UBE2D4: variants seen among roughly 807,000 people sequenced by gnomAD.
The protein encoded by UBE2D4 is ubiquitin-conjugating enzyme E2 D4.
UBE2D4 carries 17 observed loss-of-function variants against 23.0 expected under a neutral mutation model. That is an observed-to-expected ratio of 0.74 (90% CI 0.51 to 1.11). The LOEUF (loss-of-function observed/expected upper bound fraction) is 1.11, where lower values mean the gene tolerates loss of function less well. Among genes scored for constraint, UBE2D4 ranks in the 50% least tolerant of loss-of-function variants. The pLI, the probability that UBE2D4 is intolerant of heterozygous loss-of-function variation, is 0.00. For synonymous variants in UBE2D4, 61 were observed against 69.4 expected (o/e 0.88, Z 0.60); for missense variants, 139 against 181.8 (o/e 0.76, Z 1.35).
chr7:43,936,673 A>G (rs6968923), intron 1 of UBE2D4, among the ~76,000 whole-genome samples: 3,221 of 152,272 alleles, frequency 0.021, 103 homozygotes, highest in African/African-American at 0.073. Flanking sequence ...CTCCCTTTTT[A>G]TAATACTAAT....
chr7:43,948,825 A>G, intron 5 of UBE2D4, 88 bp downstream of exon 5: 1 of 1,048,502 alleles, frequency 9.5e-7, no homozygotes. Flanking sequence ...GCTCAGAGAA[A>G]GAAGTCACCT....
intron 2 of UBE2D4, among the ~76,000 whole-genome samples, chr7:43,939,428 T>TC (rs1465558192): frequency 6.6e-6 from 1 of 152,246 alleles, no homozygotes; most frequent in Non-Finnish European, 1.5e-5. Context: ...TCCAGGTCTG[T>TC]CCTCTGCCCA....
intron 6 of UBE2D4, 27 bp from the exon 7 acceptor site, chr7:43,952,623 G>T: frequency 1.2e-6 from 2 of 1,608,636 alleles, no homozygotes; most frequent in Non-Finnish European, 1.7e-6. Context: ...AAGTGAGGGT[G>T]TCACTTCCTC....
At chr7:43,935,494 T>C (rs2095956486) in intron 1 of UBE2D4, among the ~76,000 whole-genome samples, 1 of 152,170 alleles carries the variant, frequency 6.6e-6, no homozygotes, top group Non-Finnish European at 1.5e-5. Flanking sequence ...TTTTTTTTTT[T>C]GGAAAGCACT....
chr7:43,943,975 G>A (rs1235575037), intron 4 of UBE2D4: 1 of 153,594 alleles, frequency 6.5e-6, no homozygotes, highest in African/African-American at 2.4e-5. Context: ...AACTGCAGGA[G>A]CTCAGCAAGA....
chr7:43,931,545 G>A (rs1333385151), intron 1 of UBE2D4, among the ~76,000 whole-genome samples: 1 of 144,964 alleles, frequency 6.9e-6, no homozygotes, highest in Non-Finnish European at 1.5e-5. Flanking sequence ...AGGAAGTATG[G>A]CACTAGTGTC....
At chr7:43,936,471 A>G (rs1415471134) in intron 1 of UBE2D4, among the ~76,000 whole-genome samples, 1 of 152,076 alleles carries the variant, frequency 6.6e-6, no homozygotes, top group Non-Finnish European at 1.5e-5. Context: ...TAATCTACTT[A>G]ATCCTTTACA....
At position 43,953,972 on chromosome 7, in the gene UBE2D4, G is replaced by A. The variant is rs912027579; in HGVS notation, c.*1277G>A. The A allele has an allele frequency of 6.6e-6, 1 of 152,238 alleles. No homozygotes were observed. Among genetic ancestry groups the A allele is most frequent in the African/African-American group, 2.4e-5 (1 of 41,460 alleles). The allele number at this position is 152,238 out of a possible 1,614,324, so 9.4% of individuals were successfully genotyped here. A position where few individuals can be genotyped will look rare whatever the true frequency, so the allele number is the denominator to read the frequency against. On this transcript the variant is annotated 3_prime_UTR_variant, in exon 7 of 7. Coordinates refer to ENST00000222402, the MANE Select transcript of UBE2D4 (RefSeq NM_015983.4). ...CAGATGGGGCTTTTGCCGGCTGATT[G>A]AAAGGAAGTCTACAGACCTAACATA...
At chr7:43,950,482 G>C (rs1054872169) in intron 5 of UBE2D4, 117 bp from the exon 6 acceptor site, 4 of 758,768 alleles carry the variant, frequency 5.3e-6, no homozygotes, top group Non-Finnish European at 9.2e-6. Context: ...AGATTGGGCT[G>C]TTGAAGGGAA....
Position 43,938,493 on chromosome 7 carries a change from CTG to C in UBE2D4, c.88+1_88+2del, listed in dbSNP as rs747432037. 3 of 1,614,040 alleles carry C rather than the reference CTG, an allele frequency of 1.9e-6. No homozygotes were observed. Among genetic ancestry groups the C allele is most frequent in the Non-Finnish European group, 2.5e-6 (3 of 1,179,942 alleles). ...GTTCTGCAGGACCTGTCGGTGATGACTGTAAGTATTTTGGGGGGCTTCAAGTT... is the reference window on the plus strand; with the variant it reads ...GTTCTGCAGGACCTGTCGGTGATGACTAAGTATTTTGGGGGGCTTCAAGTT... On this transcript the variant is annotated splice_donor_variant and coding_sequence_variant, in exon 2 of 7. Coordinates refer to ENST00000222402, the MANE Select transcript of UBE2D4 (RefSeq NM_015983.4). LOFTEE classifies it high-confidence loss of function.
At chr7:43,939,570 C>A (rs139461998) in intron 2 of UBE2D4, among the ~76,000 whole-genome samples, 2 of 152,172 alleles carry the variant, frequency 1.3e-5, no homozygotes, top group African/African-American at 4.8e-5. Flanking sequence ...AGAGTGGTGT[C>A]AGAGGTACAT....
At chr7:43,940,760 AC>A (rs1407808530) in intron 2 of UBE2D4, 9 of 152,186 alleles carry the variant, frequency 5.9e-5, no homozygotes. Flanking sequence ...GAGGATTCTA[AC>A]CTTCCGTTCT....
At chr7:43,948,545 G>T (rs2095993740) in intron 4 of UBE2D4, 87 bp from the exon 5 acceptor site, 3 of 870,380 alleles carry the variant, frequency 3.4e-6, no homozygotes, top group Admixed American at 3.8e-5. Context: ...TCCAGGTACT[G>T]CCCAGCAGCA....
chr7:43,942,669 C>A, intron 2 of UBE2D4, 157 bp from the exon 3 acceptor site: 1 of 939,768 alleles, frequency 1.1e-6, no homozygotes, highest in East Asian at 2.4e-5. Context: ...GCAGTTATTG[C>A]ATCTTGGGTG....
At chr7:43,926,692 A>G (rs1295122684) in intron 1 of UBE2D4, 136 bp downstream of exon 1, 9 of 915,552 alleles carry the variant, frequency 9.8e-6, no homozygotes, top group Non-Finnish European at 1.4e-5. Flanking sequence ...GAGGCAGAAC[A>G]GCCTCCCGCG....
Position 43,955,597 on chromosome 7 carries a change from G to A in UBE2D4, c.*2902G>A, listed in dbSNP as rs1040686947. 5.9e-5 allele frequency: 9 copies of A among 152,212 alleles called. No individual in the cohort carries two copies. The highest frequency in any genetic ancestry group is 1.9e-4 in the African/African-American group (8 of 41,452). 9.4% of individuals were successfully genotyped at this position (152,212 alleles called of 1,614,324 possible). A position where few individuals can be genotyped will look rare whatever the true frequency, so the allele number is the denominator to read the frequency against. ...ACTGCAGTTGCTCAAGGATGGGTAT[G>A]TTTCTGTCTCTGAAATTCGGGAAAA... On this transcript the variant is annotated 3_prime_UTR_variant, in exon 7 of 7. Transcript: ENST00000222402.
At chr7:43,952,588 C>T in intron 6 of UBE2D4, 62 bp from the exon 7 acceptor site, 2 of 1,421,402 alleles carry the variant, frequency 1.4e-6, no homozygotes, top group South Asian at 2.3e-5. Flanking sequence ...TTCTCTGCAG[C>T]ACATTGAAGG....
intron 1 of UBE2D4, among the ~76,000 whole-genome samples, chr7:43,930,807 T>G (rs1006452308): frequency 6.6e-6 from 1 of 152,124 alleles, no homozygotes; most frequent in Non-Finnish European, 1.5e-5. Context: ...TTTTTTCTCT[T>G]TGATACGTGT....
chr7:43,938,609 G>A, intron 2 of UBE2D4, 115 bp downstream of exon 2: 2 of 976,994 alleles, frequency 2.0e-6, no homozygotes, highest in Non-Finnish European at 3.2e-6. Flanking sequence ...GCCAAGGTGG[G>A]TGGATCACCT....
Sources: allele counts gnomAD v4.1 joint callset (sites outside exome capture counted in the v4.1 genomes callset), GRCh38; gene constraint gnomAD v4.1.1; transcripts MANE v1.5; gene names NCBI Gene and HGNC (gene_info 2026-07-23, HGNC 2026-07-21).